RAP1GAP2: variants seen among roughly 807,000 people sequenced by gnomAD.
The protein encoded by RAP1GAP2 is rap1 GTPase-activating protein 2.
In RAP1GAP2, 27 loss-of-function variants were observed where a neutral mutation model predicts 95.0. That is an observed-to-expected ratio of 0.28 (90% CI 0.21 to 0.39). The LOEUF (loss-of-function observed/expected upper bound fraction) is 0.39. Among genes scored for constraint, RAP1GAP2 ranks in the 10% least tolerant of loss-of-function variants. The pLI, the probability that RAP1GAP2 is intolerant of heterozygous loss-of-function variation, is 1.00. For missense variants in RAP1GAP2, 771 were observed against 970.0 expected (o/e 0.79, Z 2.72); for synonymous variants, 373 against 380.9 (o/e 0.98, Z 0.24).
chr17:2,966,221 A>C (rs1567834164), intron 8 of RAP1GAP2, among the ~76,000 whole-genome samples: 1 of 151,740 alleles, frequency 6.6e-6, no homozygotes, highest in Non-Finnish European at 1.5e-5. Flanking sequence ...GTTTTGTAAA[A>C]CCTCCTCTGT....
intron 3 of RAP1GAP2, among the ~76,000 whole-genome samples, chr17:2,907,870 G>A (rs1039856848): frequency 5.3e-5 from 8 of 152,088 alleles, no homozygotes; most frequent in Non-Finnish European, 8.8e-5. Flanking sequence ...GCAGTGGCGC[G>A]ATCTTGGCTC....
intron 2 of RAP1GAP2, chr17:2,854,205 GA>G (rs2072026598): frequency 1.1e-6 from 1 of 947,864 alleles, no homozygotes; most frequent in Non-Finnish European, 1.3e-6. Context: ...GTGTTGGTTA[GA>G]AAAAAGCCTC....
At position 2,825,983 on chromosome 17, in the gene RAP1GAP2, GT is replaced by G. The variant is rs10605718; in HGVS notation, c.80+25448del. Among the ~76,000 whole-genome samples, 22,360 of 127,240 alleles carry G rather than the reference GT, an allele frequency of 0.18. 2,559 individuals carry two copies. The highest frequency in any genetic ancestry group is 0.39 in the African/African-American group (12,335 of 31,850). 83.5% of individuals were successfully genotyped at this position (127,240 alleles called of 152,430 possible). A position where few individuals can be genotyped will look rare whatever the true frequency, so the allele number is the denominator to read the frequency against. On this transcript the variant is annotated intron_variant, in intron 2 of 24. Transcript: ENST00000254695. The surrounding 1 kb of genome is among the most constrained non-coding windows in gnomAD (Gnocchi z 4.1). Reference sequence around the variant, plus strand: ...TTTTCTTTTTTCTTTCTTTCTTTCTGTTTTTTTTTTTTTTTGAGACGGAGTC... The same window carrying G: ...TTTTCTTTTTTCTTTCTTTCTTTCTGTTTTTTTTTTTTTTGAGACGGAGTC...
intron 3 of RAP1GAP2, among the ~76,000 whole-genome samples, chr17:2,941,532 G>A (rs184346893): frequency 6.6e-6 from 1 of 152,314 alleles, no homozygotes; most frequent in East Asian, 1.9e-4. Flanking sequence ...GCGCTGTCCA[G>A]TTGAGGCACC....
Position 3,034,316 on chromosome 17 carries a change from C to A in RAP1GAP2, c.*955C>A. ...TTGAGGAAAACCTCGGGCCTGAGGGCCAGGCCGGAGCCCAGGTCTCTGCTG... is the reference window on the plus strand; with the variant it reads ...TTGAGGAAAACCTCGGGCCTGAGGGACAGGCCGGAGCCCAGGTCTCTGCTG... On this transcript the variant is annotated 3_prime_UTR_variant, in exon 25 of 25. Transcript: ENST00000254695. The surrounding 1 kb of genome is among the most constrained non-coding windows in gnomAD (Gnocchi z 5.1). 5.2e-6 allele frequency: 1 copy of A among 192,936 alleles called. No individual in the cohort carries two copies. The highest frequency in any genetic ancestry group is 1.1e-5 in the Non-Finnish European group (1 of 89,226). 12.0% of individuals were successfully genotyped at this position (192,936 alleles called of 1,614,324 possible). A position where few individuals can be genotyped will look rare whatever the true frequency, so the allele number is the denominator to read the frequency against.
chr17:2,877,109 G>A (rs1597490177), intron 2 of RAP1GAP2, among the ~76,000 whole-genome samples: 1 of 151,716 alleles, frequency 6.6e-6, no homozygotes, highest in Non-Finnish European at 1.5e-5. Context: ...GGCTGGTCTC[G>A]AACTCCTGAC....
intron 2 of RAP1GAP2, among the ~76,000 whole-genome samples, chr17:2,801,128 G>A (rs993649082): frequency 6.6e-6 from 1 of 151,350 alleles, no homozygotes; most frequent in African/African-American, 2.4e-5. Flanking sequence ...GATTATAGGC[G>A]TGAGCCACTG....
chr17:2,948,390 A>T (rs772814160), intron 3 of RAP1GAP2, among the ~76,000 whole-genome samples: 11 of 152,238 alleles, frequency 7.2e-5, no homozygotes, highest in Non-Finnish European at 1.3e-4. Context: ...AGCGAGGGTC[A>T]GAGAGGAGAG....
At chr17:2,810,522 C>CCTTTTTT (rs1567668799) in intron 2 of RAP1GAP2, among the ~76,000 whole-genome samples, 1 of 69,434 alleles carries the variant, frequency 1.4e-5, no homozygotes, top group African/African-American at 5.8e-5. Flanking sequence ...TCCCCCCACC[C>CCTTTTTT]TTTTTTTTTT....
chr17:2,986,354 C>T (rs2045557976), intron 11 of RAP1GAP2, among the ~76,000 whole-genome samples: 1 of 152,018 alleles, frequency 6.6e-6, no homozygotes, highest in Non-Finnish European at 1.5e-5. Flanking sequence ...TACAGCTTTG[C>T]TAATAAAACC....
At chr17:2,901,671 T>C (rs544873171) in intron 2 of RAP1GAP2, among the ~76,000 whole-genome samples, 1 of 152,244 alleles carries the variant, frequency 6.6e-6, no homozygotes, top group South Asian at 2.1e-4. Flanking sequence ...TCGTGTGTGA[T>C]ATGTTTGCCT....
intron 2 of RAP1GAP2, among the ~76,000 whole-genome samples, chr17:2,884,303 C>G (rs2073406101): frequency 6.6e-6 from 1 of 151,954 alleles, no homozygotes; most frequent in Admixed American, 6.6e-5. Flanking sequence ...TCTTCAATCA[C>G]TCCTTCACTC....
At chr17:2,933,249 C>A (rs78088409) in intron 3 of RAP1GAP2, among the ~76,000 whole-genome samples, 1,746 of 152,260 alleles carry the variant, frequency 0.011, 30 homozygotes, top group African/African-American at 0.04. Flanking sequence ...GGGAGGGGGC[C>A]AGCTGTGCCT....
chr17:2,863,290 T>C (rs1052839782), intron 2 of RAP1GAP2, among the ~76,000 whole-genome samples: 1 of 152,136 alleles, frequency 6.6e-6, no homozygotes, highest in Non-Finnish European at 1.5e-5. Flanking sequence ...TCAGTGCCCT[T>C]GGAGCAAGGG....
chr17:2,801,178 T>C (rs1178481944), intron 2 of RAP1GAP2, among the ~76,000 whole-genome samples: 7 of 151,570 alleles, frequency 4.6e-5, no homozygotes, highest in Non-Finnish European at 2.9e-5. Flanking sequence ...CACTTTAGTT[T>C]TTAGATATAT....
intron 3 of RAP1GAP2, among the ~76,000 whole-genome samples, chr17:2,922,725 G>A (rs891787741): frequency 6.6e-6 from 1 of 151,974 alleles, no homozygotes; most frequent in Admixed American, 6.6e-5. Flanking sequence ...AGTAGTTGGT[G>A]CTTAATAAAT....
intron 2 of RAP1GAP2, among the ~76,000 whole-genome samples, chr17:2,837,816 C>T (rs1244002889): frequency 1.3e-5 from 2 of 151,614 alleles, no homozygotes; most frequent in East Asian, 1.9e-4. Context: ...CCGTGTTAGC[C>T]AGGATGGTCT....
intron 1 of RAP1GAP2, among the ~76,000 whole-genome samples, chr17:2,785,899 C>CTTT (rs386385450): frequency 0.056 from 6,719 of 119,862 alleles, 562 homozygotes; most frequent in African/African-American, 0.16. Context: ...AAAAGTATGA[C>CTTT]TTTTTTTTTT....
intron 8 of RAP1GAP2, among the ~76,000 whole-genome samples, chr17:2,973,712 T>C (rs573373023): frequency 1.6e-4 from 24 of 152,208 alleles, no homozygotes; most frequent in South Asian, 6.2e-4. Context: ...GATAATAGAC[T>C]GGGAGGCCCC....
Sources: allele counts gnomAD v4.1 joint callset (sites outside exome capture counted in the v4.1 genomes callset), GRCh38; gene constraint gnomAD v4.1.1; non-coding constraint Gnocchi (gnomAD v3.1); transcripts MANE v1.5; gene names NCBI Gene and HGNC (gene_info 2026-07-23, HGNC 2026-07-21).